EXT1: variants seen among roughly 807,000 people sequenced by gnomAD.
The protein encoded by EXT1 is exostosin glycosyltransferase 1, also known as exostosin-1.
EXT1 carries 20 observed loss-of-function variants against 82.5 expected under a neutral mutation model. The ratio of observed to expected loss-of-function variants is 0.24; its 90% CI spans 0.17 to 0.35. The LOEUF is 0.35. Ranked by LOEUF, EXT1 falls within the 10% of genes least tolerant of loss-of-function variation. EXT1 has a pLI of 1.00. For missense variants in EXT1, 757 were observed against 936.5 expected, an observed-to-expected ratio of 0.81 and a Z score of 2.50; for synonymous variants, 348 against 350.8, an observed-to-expected ratio of 0.99 and a Z score of 0.09.
chr8:117,995,763 A>G (rs1373753306), intron 1 of EXT1, among the ~76,000 whole-genome samples: 2 of 152,130 alleles, frequency 1.3e-5, no homozygotes, highest in Admixed American at 6.5e-5. Flanking sequence ...CTTACCATGT[A>G]TTATCATGGC....
At chr8:117,826,360 G>A (rs1354110608) in intron 4 of EXT1, among the ~76,000 whole-genome samples, 1 of 152,142 alleles carries the variant, frequency 6.6e-6, no homozygotes, top group Non-Finnish European at 1.5e-5. Flanking sequence ...ACCAAGCAAG[G>A]AGAAAGACCT....
intron 1 of EXT1, among the ~76,000 whole-genome samples, chr8:118,063,762 A>G (rs1395496714): frequency 1.3e-5 from 2 of 152,250 alleles, no homozygotes; most frequent in East Asian, 3.8e-4. Flanking sequence ...TGTAGGTTTT[A>G]CTTTAAGTAT....
chr8:118,076,047 T>C (rs1817202717), intron 1 of EXT1, among the ~76,000 whole-genome samples: 1 of 152,196 alleles, frequency 6.6e-6, no homozygotes, highest in Non-Finnish European at 1.5e-5. Flanking sequence ...AGTAGATTTA[T>C]ATATCCCCAC....
At chr8:118,103,878 CA>C (rs963853787) in intron 1 of EXT1, among the ~76,000 whole-genome samples, 1 of 152,296 alleles carries the variant, frequency 6.6e-6, no homozygotes, top group East Asian at 1.9e-4. Context: ...ATCTCTGAGC[CA>C]AACTTTTTCC....
At chr8:118,090,000 G>A (rs760313143) in intron 1 of EXT1, among the ~76,000 whole-genome samples, 1 of 152,332 alleles carries the variant, frequency 6.6e-6, no homozygotes, top group Non-Finnish European at 1.5e-5. Flanking sequence ...AAGTACCTCC[G>A]ATGGTCCCTT....
At chr8:118,055,399 C>A (rs994656890) in intron 1 of EXT1, among the ~76,000 whole-genome samples, 1 of 152,180 alleles carries the variant, frequency 6.6e-6, no homozygotes, top group African/African-American at 2.4e-5. Context: ...TGGGCATCTG[C>A]GTTGTTTCCA....
At position 117,870,849 on chromosome 8, in the gene EXT1, A is replaced by AC. The variant is rs1563586218; in HGVS notation, c.963-33649_963-33648insG. Among the ~76,000 whole-genome samples the AC allele has an allele frequency of 3.0e-3, 462 of 151,790 alleles. 4 individuals carry two copies. Among genetic ancestry groups the AC allele is most frequent in the African/African-American group, 0.01 (417 of 41,268 alleles). On this transcript the variant is annotated intron_variant, in intron 1 of 10. Coordinates refer to ENST00000378204, the MANE Select transcript of EXT1 (RefSeq NM_000127.3). ...CACACACACACACACACACACACAC[A>AC]AAAGATTGAAGGAATAAAAAACATA...
intron 1 of EXT1, among the ~76,000 whole-genome samples, chr8:117,950,669 T>C (rs1438391291): frequency 6.6e-6 from 1 of 152,120 alleles, no homozygotes; most frequent in African/African-American, 2.4e-5. Context: ...GATAAACACA[T>C]TGGGAGAAGA....
chr8:117,844,977 C>T (rs547379355), intron 1 of EXT1, among the ~76,000 whole-genome samples: 8 of 152,326 alleles, frequency 5.3e-5, no homozygotes, highest in Admixed American at 2.6e-4. Context: ...TTCCTTGTGA[C>T]GCTCCTCAGT....
chr8:117,901,843 T>C (rs1443972128), intron 1 of EXT1, among the ~76,000 whole-genome samples: 1 of 151,944 alleles, frequency 6.6e-6, no homozygotes, highest in Non-Finnish European at 1.5e-5. Context: ...ACTACAGGTA[T>C]GCACCACCAC....
intron 1 of EXT1, among the ~76,000 whole-genome samples, chr8:117,850,792 T>C (rs1270028981): frequency 6.6e-6 from 1 of 152,150 alleles, no homozygotes; most frequent in African/African-American, 2.4e-5. Context: ...CATTGGAGCA[T>C]TTCAGGCAGT....
At position 118,096,509 on chromosome 8, in the gene EXT1, G is replaced by A. The variant is rs574024535; in HGVS notation, c.962+13576C>T. On this transcript the variant is annotated intron_variant, in intron 1 of 10. Coordinates refer to ENST00000378204, the MANE Select transcript of EXT1 (RefSeq NM_000127.3). Reference sequence around the variant, plus strand: ...GGTGGTACTCAGGAGGCTGAGGCAGGAGAATCACTTGAACCAGGGAGTGGA... The same window carrying A: ...GGTGGTACTCAGGAGGCTGAGGCAGAAGAATCACTTGAACCAGGGAGTGGA... Among the ~76,000 whole-genome samples, 6 of 152,066 alleles carry A rather than the reference G, an allele frequency of 3.9e-5. No homozygotes were observed. The East Asian group carries it at 9.7e-4, about 25-fold the overall frequency.
intron 1 of EXT1, among the ~76,000 whole-genome samples, chr8:118,069,464 T>C (rs1428696122): frequency 2.0e-5 from 3 of 152,110 alleles, no homozygotes; most frequent in African/African-American, 7.2e-5. Context: ...CCCTCCCACT[T>C]ACAAATCATG....
At chr8:117,883,684 C>T (rs978894258) in intron 1 of EXT1, among the ~76,000 whole-genome samples, 7 of 152,168 alleles carry the variant, frequency 4.6e-5, no homozygotes, top group Admixed American at 3.9e-4. Flanking sequence ...AGTCCACTAG[C>T]GAAGCAATCC....
chr8:117,889,247 G>A (rs570846512), intron 1 of EXT1, among the ~76,000 whole-genome samples: 24 of 152,264 alleles, frequency 1.6e-4, no homozygotes, highest in Non-Finnish European at 3.5e-4. Context: ...AAATTCAGGT[G>A]AGTGAAAAAT....
intron 1 of EXT1, among the ~76,000 whole-genome samples, chr8:118,010,116 A>G (rs1815866210): frequency 6.6e-6 from 1 of 152,130 alleles, no homozygotes; most frequent in Non-Finnish European, 1.5e-5. Flanking sequence ...GGATATAAGT[A>G]TATTTTCACA....
In EXT1 at chr8:118,070,680, T is replaced by C. The variant is rs1235643971; in HGVS notation, c.962+39405A>G. On this transcript the variant is annotated intron_variant, in intron 1 of 10. Transcript: ENST00000378204. ...TTAATTAAGTGTGAATTAATGGGAA[T>C]TGTATTTTATCATGTACAAATAATA... is the stretch of plus-strand genomic sequence containing the variant. Among the ~76,000 whole-genome samples the C allele has an allele frequency of 3.9e-5, 6 of 152,184 alleles. No individual in the cohort carries two copies. The South Asian group carries it at 6.2e-4, about 16-fold the overall frequency.
intron 1 of EXT1, among the ~76,000 whole-genome samples, chr8:117,937,048 C>T (rs2129662715): frequency 6.6e-6 from 1 of 152,268 alleles, no homozygotes; most frequent in African/African-American, 2.4e-5. Flanking sequence ...TCCATCTCTA[C>T]ATCCCTTCGC....
intron 1 of EXT1, among the ~76,000 whole-genome samples, chr8:118,059,045 A>C (rs559374237): frequency 6.6e-6 from 1 of 152,318 alleles, no homozygotes; most frequent in South Asian, 2.1e-4. Context: ...AAAATCATTA[A>C]TCTAATGTGC....
Sources: gnomAD v4.1 joint callset for allele counts (sites outside exome capture counted in the v4.1 genomes callset) on GRCh38, gnomAD v4.1.1 for gene constraint, MANE v1.5 for transcripts, NCBI Gene and HGNC (gene_info 2026-07-23, HGNC 2026-07-21) for gene names.